CPNE2: variants seen among roughly 807,000 people sequenced by gnomAD.
CPNE2 encodes the protein copine-2.
In CPNE2, 42 loss-of-function variants were observed where a neutral mutation model predicts 69.7. The observed-to-expected ratio is 0.60, with a 90% CI of 0.47 to 0.78. CPNE2 has a LOEUF of 0.78. Ranked by LOEUF, CPNE2 falls within the 30% of genes least tolerant of loss-of-function variation. The probability of loss-of-function intolerance (pLI) is 0.00; values close to 1 mark genes in which losing one functional copy is unlikely to be tolerated. For synonymous variants in CPNE2, 294 were observed against 289.8 expected, an observed-to-expected ratio of 1.01 and a Z score of -0.15; for missense variants, 587 against 732.0, an observed-to-expected ratio of 0.80 and a Z score of 2.29.
chr16:57,110,872 T>C lies in CPNE2; in HGVS notation c.130T>C (p.Ser44Pro). 1 of 1,613,714 alleles carries C rather than the reference T, an allele frequency of 6.2e-7. No homozygotes were observed. The highest frequency in any genetic ancestry group is 1.1e-5 in the South Asian group (1 of 91,040). Residue 44 changes from serine to proline, a missense_variant, in exon 2 of 16, where the codon TCC (serine) becomes CCC (proline). Around this residue, in one of 5 missense-constraint regions of CPNE2, gnomAD observed 96 missense variants for 94.9 expected, o/e 1.01. Coordinates refer to ENST00000290776, the MANE Select transcript of CPNE2 (RefSeq NM_152727.6). Reference sequence around the variant, plus strand: ...ACTGGACCGGGATGTTACCTCCAAGTCCGACCCCTTCTGTGTCCTCTTTAC... The same window carrying C: ...ACTGGACCGGGATGTTACCTCCAAGCCCGACCCCTTCTGTGTCCTCTTTAC... ...NLLDRDVTSK[S>P]DPFCVLFTEN...
At chr16:57,137,604 C>T (rs1400846676) in intron 14 of CPNE2, among the ~76,000 whole-genome samples, 5 of 152,144 alleles carry the variant, frequency 3.3e-5, no homozygotes, top group African/African-American at 4.8e-5. Context: ...TCCCTGAGGC[C>T]CTAACGCTGA....
chr16:57,137,933 C>T (rs1336603324), intron 14 of CPNE2, among the ~76,000 whole-genome samples: 5 of 152,200 alleles, frequency 3.3e-5, no homozygotes, highest in Non-Finnish European at 7.3e-5. Flanking sequence ...CATGACCTGC[C>T]CTTGCCTCTC....
At chr16:57,093,324 G>A (rs2069556750) in intron 1 of CPNE2, among the ~76,000 whole-genome samples, 1 of 152,000 alleles carries the variant, frequency 6.6e-6, no homozygotes, top group Admixed American at 6.5e-5. Flanking sequence ...CTTCCCAGAA[G>A]TCGGAGTGTG....
Position 57,123,420 on chromosome 16 carries a change from C to T in CPNE2, c.874C>T (p.Arg292Ter), listed in dbSNP as rs373916689. Residue 292 changes from arginine to a stop codon, truncating the protein, a stop_gained, in exon 10 of 16, where the codon CGA (arginine) becomes TGA (stop). Transcript: ENST00000290776. LOFTEE classifies it high-confidence loss of function. ...CTCATCCGCTTTCTTCCAGATAAAC[C>T]GAGACTACTCCTTCCTTGACTACAT... ...IIILRSCKIN[R>*]DYSFLDYILG... The T allele has an allele frequency of 1.1e-5, 17 of 1,612,828 alleles. No homozygotes were observed. The highest frequency in any genetic ancestry group is 1.4e-5 in the Non-Finnish European group (16 of 1,180,006).
At chr16:57,144,448 A>G (rs557849590) in intron 14 of CPNE2, 1 of 152,404 alleles carries the variant, frequency 6.6e-6, no homozygotes, top group African/African-American at 2.4e-5. Flanking sequence ...GAAGGTGGCT[A>G]AGGGCTGACC....
chr16:57,099,291 A>G (rs115508472), intron 1 of CPNE2, among the ~76,000 whole-genome samples: 5,908 of 152,198 alleles, frequency 0.039, 360 homozygotes, highest in African/African-American at 0.14. Context: ...TCTTCCTTCA[A>G]GTTGGCTGTA....
chr16:57,146,230 T>C lies in CPNE2; in HGVS notation c.1448T>C (p.Leu483Pro). 6.4e-7 allele frequency: 1 copy of C among 1,563,106 alleles called. No homozygotes were observed. The highest frequency in any genetic ancestry group is 8.7e-7 in the Non-Finnish European group (1 of 1,152,846). ...GNADFAAMEF[L>P]DGDSRMLRSH... is the part of the protein sequence containing the mutation. The stretch of plus-strand genomic sequence containing the variant: ...GCGGACTTCGCTGCCATGGAGTTCC[T>C]GGATGGGGACAGCCGCATGCTGCGC... Residue 483 changes from leucine (L) to proline (P), a missense_variant, in exon 15 of 16, where the codon CTG becomes CCG. This residue lies in a region of CPNE2 where 185 missense variants were observed against 252.3 expected (regional missense o/e 0.73). Coordinates refer to ENST00000290776, the MANE Select transcript of CPNE2 (RefSeq NM_152727.6). The surrounding 1 kb of genome is among the most constrained non-coding windows in gnomAD (Gnocchi z 4.4).
Position 57,110,689 on chromosome 16 carries a change from C to A in CPNE2, c.-35-19C>A. ...GCAGGTGTCTGTCCACTCTCTGACC[C>A]TCACTTCTGTTCCCCTAGACTGCCA... On this transcript the variant is annotated intron_variant, in intron 1 of 15. Coordinates refer to ENST00000290776, the MANE Select transcript of CPNE2 (RefSeq NM_152727.6). 6.8e-7 allele frequency: 1 copy of A among 1,468,584 alleles called. No individual in the cohort carries two copies. The highest frequency in any genetic ancestry group is 1.4e-5 in the South Asian group (1 of 74,024). The allele number at this position is 1,468,584 out of a possible 1,614,324, so 91.0% of individuals were successfully genotyped here.
chr16:57,119,643 C>T lies in CPNE2; in HGVS notation c.674C>T (p.Pro225Leu). 2 of 1,608,302 alleles carry T rather than the reference C, an allele frequency of 1.2e-6. No individual in the cohort carries two copies. The highest frequency in any genetic ancestry group is 1.7e-6 in the Non-Finnish European group (2 of 1,177,566). Residue 225 changes from proline to leucine, a missense_variant, in exon 7 of 16, where the codon CCC (proline) becomes CTC (leucine). Transcript: ENST00000290776. Reference protein sequence around the residue: ...VSLCDGDMEKPIQVMCYDYDN... With the variant: ...VSLCDGDMEKLIQVMCYDYDN... ...CTGTGTGATGGGGACATGGAGAAGC[C>T]CATCCAGGTGAGGGGGCTCTGGGGA...
chr16:57,113,163 C>G, intron 2 of CPNE2, 125 bp from the exon 3 acceptor site: 1 of 861,486 alleles, frequency 1.2e-6, no homozygotes, highest in African/African-American at 1.7e-5. Flanking sequence ...GAGTCACTGA[C>G]GATGACCACA....
chr16:57,093,198 G>A (rs1279984112), intron 1 of CPNE2, among the ~76,000 whole-genome samples: 2 of 151,336 alleles, frequency 1.3e-5, no homozygotes, highest in Non-Finnish European at 3.0e-5. Flanking sequence ...GCTCCTCTCC[G>A]CTCCCCTCTG....
intron 1 of CPNE2, among the ~76,000 whole-genome samples, chr16:57,107,127 T>C (rs984902383): frequency 6.6e-6 from 1 of 152,208 alleles, no homozygotes; most frequent in African/African-American, 2.4e-5. Flanking sequence ...AGCAAGACTT[T>C]GGACATCCCT....
Position 57,110,726 on chromosome 16 carries a change from C to T in CPNE2, c.-17C>T. 1 of 1,588,594 alleles carries T rather than the reference C, an allele frequency of 6.3e-7. No individual in the cohort carries two copies. Among genetic ancestry groups the T allele is most frequent in the South Asian group, 1.1e-5 (1 of 88,458 alleles). ...CCCCTAGACTGCCAGGAACTCCTGCCACCGCCACCGGCTCCCATGGCCCAC... is the reference window on the plus strand; with the variant it reads ...CCCCTAGACTGCCAGGAACTCCTGCTACCGCCACCGGCTCCCATGGCCCAC... On this transcript the variant is annotated 5_prime_UTR_variant, in exon 2 of 16. Coordinates refer to ENST00000290776, the MANE Select transcript of CPNE2 (RefSeq NM_152727.6).
At chr16:57,136,064 G>A (rs978842736) in intron 13 of CPNE2, among the ~76,000 whole-genome samples, 1 of 151,386 alleles carries the variant, frequency 6.6e-6, no homozygotes, top group African/African-American at 2.4e-5. Flanking sequence ...GAAAGAAAAA[G>A]GAAGATGAAA....
At chr16:57,105,896 T>C (rs983218872) in intron 1 of CPNE2, among the ~76,000 whole-genome samples, 4 of 152,132 alleles carry the variant, frequency 2.6e-5, no homozygotes, top group Non-Finnish European at 5.9e-5. Context: ...GGGTGGGGGC[T>C]GCCCCAGAGG....
chr16:57,137,347 G>T, intron 14 of CPNE2, 65 bp downstream of exon 14: 2 of 1,580,276 alleles, frequency 1.3e-6, no homozygotes, highest in South Asian at 2.3e-5. Flanking sequence ...TGGGGGGCAG[G>T]ATATTCTGCC....
At chr16:57,123,636 C>T (rs1487525368) in intron 10 of CPNE2, 163 bp downstream of exon 10, 1 of 692,996 alleles carries the variant, frequency 1.4e-6, no homozygotes, top group Non-Finnish European at 2.5e-6. Flanking sequence ...CATAAGTGGG[C>T]TGTCTGGTCC....
At chr16:57,140,868 A>ATTTTTT (rs55901819) in intron 14 of CPNE2, 41 of 86,094 alleles carry the variant, frequency 4.8e-4, no homozygotes, top group African/African-American at 1.9e-3. Context: ...CCCGGCCGGG[A>ATTTTTT]TTTTTTTTTT....
At chr16:57,117,614 C>T (rs952887273) in intron 5 of CPNE2, 47 bp downstream of exon 5, 23 of 1,597,076 alleles carry the variant, frequency 1.4e-5, no homozygotes, top group Non-Finnish European at 2.0e-5. Context: ...GTAGCCCCCA[C>T]CAGCCCCAGG....
Sources: allele counts gnomAD v4.1 joint callset (sites outside exome capture counted in the v4.1 genomes callset), GRCh38; gene constraint gnomAD v4.1.1; regional missense constraint gnomAD v4.1.1; non-coding constraint Gnocchi (gnomAD v3.1); transcripts MANE v1.5; gene names NCBI Gene and HGNC (gene_info 2026-07-23, HGNC 2026-07-21).